CD1B: variants seen among roughly 807,000 people sequenced by gnomAD.
CD1B encodes CD1b molecule.
CD1B carries 43 observed loss-of-function variants against 39.8 expected under a neutral mutation model. The observed-to-expected ratio is 1.08, with a 90% CI of 0.85 to 1.39. The LOEUF (loss-of-function observed/expected upper bound fraction) is 1.39. CD1B is among the 40% of genes most tolerant of loss of function. The pLI is 0.00. For synonymous variants in CD1B, 192 were observed against 152.5 expected (o/e 1.26, Z -1.91); for missense variants, 495 against 403.8 (o/e 1.23, Z -1.94).
downstream of CD1B, among the ~76,000 whole-genome samples, chr1:158,324,203 C>G (rs527528552): frequency 6.6e-6 from 1 of 152,258 alleles, no homozygotes; most frequent in African/African-American, 2.4e-5. Context: ...TGTAGCCAAG[C>G]CTTTTGTTAA....
At chr1:158,329,812 T>G in intron 3 of CD1B, 40 bp downstream of exon 3, 1 of 1,589,972 alleles carries the variant, frequency 6.3e-7, no homozygotes, top group South Asian at 1.2e-5. Context: ...CTCTTGATCT[T>G]AGAGGAGGTG....
chr1:158,326,008 T>C (rs1347928077), downstream of CD1B, among the ~76,000 whole-genome samples: 3 of 152,176 alleles, frequency 2.0e-5, no homozygotes, highest in South Asian at 2.1e-4. Flanking sequence ...CTTGCTCTGT[T>C]GCCCAAGCTG....
chr1:158,329,950 T>A lies in CD1B; in HGVS notation c.509A>T (p.Gln170Leu). The change falls in exon 3 of 6, where the codon CAA (glutamine) becomes CTA (leucine). Residue 170 changes from glutamine to leucine, a missense_variant. Transcript: ENST00000368168. ...AATTCTCACAGTTTCCATGATACCT[T>A]GATATTGTATGATTAGTGCACAGAA... ...QKFCALIIQY[Q>L]GIMETVRILL... The A allele has an allele frequency of 6.2e-7, 1 of 1,613,936 alleles. No individual in the cohort carries two copies. The highest frequency in any genetic ancestry group is 8.5e-7 in the Non-Finnish European group (1 of 1,179,956).
the CD1B span, among the ~76,000 whole-genome samples, chr1:158,313,711 G>GT: frequency 1.3e-5 from 2 of 152,062 alleles, no homozygotes; most frequent in African/African-American, 2.4e-5. Context: ...CTCTCATTCA[G>GT]TTTTTTTGGG....
At chr1:158,292,916 C>T in the CD1B span, 1 of 1,599,866 alleles carries the variant, frequency 6.3e-7, no homozygotes, top group Non-Finnish European at 8.5e-7. Context: ...GGTTCTTGAG[C>T]CTAGAGGTTA....
the CD1B span, among the ~76,000 whole-genome samples, chr1:158,309,237 A>G: frequency 1.3e-5 from 2 of 152,264 alleles, no homozygotes; most frequent in East Asian, 1.9e-4. Context: ...AAAAACGGTC[A>G]TCATCACTGG....
At chr1:158,289,474 G>C in the CD1B span, among the ~76,000 whole-genome samples, 1 of 152,138 alleles carries the variant, frequency 6.6e-6, no homozygotes, top group Non-Finnish European at 1.5e-5. Context: ...GATGTAAAAA[G>C]CAACGTCTCC....
At chr1:158,313,457 C>A in the CD1B span, among the ~76,000 whole-genome samples, 1 of 151,970 alleles carries the variant, frequency 6.6e-6, no homozygotes, top group Non-Finnish European at 1.5e-5. Context: ...ACTACAGGCG[C>A]CCACCACCAT....
chr1:158,308,932 A>C, the CD1B span, among the ~76,000 whole-genome samples: 1 of 152,208 alleles, frequency 6.6e-6, no homozygotes, highest in East Asian at 1.9e-4. Context: ...CAAGGACTTC[A>C]TGTCTAAAAC....
chr1:158,307,189 C>A, the CD1B span, among the ~76,000 whole-genome samples: 1 of 152,120 alleles, frequency 6.6e-6, no homozygotes, highest in East Asian at 1.9e-4. Flanking sequence ...GCTAGCAAGA[C>A]TAATACAGAA....
chr1:158,290,125 G>C, the CD1B span: 3 of 1,612,532 alleles, frequency 1.9e-6, no homozygotes, highest in Non-Finnish European at 2.5e-6. Flanking sequence ...CAATGCAGAC[G>C]GTAAGAACAT....
At chr1:158,310,431 T>C in the CD1B span, among the ~76,000 whole-genome samples, 1 of 152,184 alleles carries the variant, frequency 6.6e-6, no homozygotes, top group East Asian at 1.9e-4. Context: ...TGATGAAGAC[T>C]TCAAAAGAAA....
chr1:158,292,923 G>T, the CD1B span: 8 of 1,581,628 alleles, frequency 5.1e-6, no homozygotes, highest in East Asian at 2.2e-5. Flanking sequence ...GAGCCTAGAG[G>T]TTAGGGGAGA....
the CD1B span, among the ~76,000 whole-genome samples, chr1:158,321,522 G>A: frequency 2.6e-5 from 4 of 152,120 alleles, no homozygotes; most frequent in Admixed American, 1.3e-4. Flanking sequence ...ACTACCAATA[G>A]GTAAGGAGGT....
At chr1:158,305,945 A>G in the CD1B span, among the ~76,000 whole-genome samples, 12 of 152,224 alleles carry the variant, frequency 7.9e-5, no homozygotes, top group Non-Finnish European at 1.3e-4. Flanking sequence ...TAAACATGAA[A>G]AGGAACAAGT....
chr1:158,304,926 AC>A, the CD1B span, among the ~76,000 whole-genome samples: 2 of 152,042 alleles, frequency 1.3e-5, no homozygotes, highest in African/African-American at 4.8e-5. Flanking sequence ...CCACACCAAA[AC>A]CCCATCTGTA....
At chr1:158,286,391 C>T in the CD1B span, among the ~76,000 whole-genome samples, 1 of 152,226 alleles carries the variant, frequency 6.6e-6, no homozygotes, top group Non-Finnish European at 1.5e-5. Flanking sequence ...CCTTCTTACA[C>T]TACCTCCACC....
chr1:158,312,609 G>A, the CD1B span, among the ~76,000 whole-genome samples: 2 of 151,768 alleles, frequency 1.3e-5, no homozygotes, highest in East Asian at 3.9e-4. Context: ...CTTATATTTT[G>A]TAGCTATTGT....
the CD1B span, chr1:158,292,380 C>A: frequency 1.2e-6 from 2 of 1,603,828 alleles, no homozygotes; most frequent in South Asian, 1.1e-5. Context: ...GTAGTTTCAG[C>A]CCCTTCCTCT....
Sources: gnomAD v4.1 joint callset for allele counts (sites outside exome capture counted in the v4.1 genomes callset) on GRCh38, gnomAD v4.1.1 for gene constraint, MANE v1.5 for transcripts, NCBI Gene and HGNC (gene_info 2026-07-23, HGNC 2026-07-21) for gene names.